The following ABCG1 variants were observed in gnomAD, a reference collection of about 807,000 sequenced individuals.
ABCG1 encodes ATP binding cassette subfamily G member 1.
ABCG1 carries 29 observed loss-of-function variants against 69.2 expected under a neutral mutation model. The observed-to-expected ratio is 0.42, with a 90% confidence interval of 0.31 to 0.57. The LOEUF is 0.57. Ranked by LOEUF, ABCG1 falls within the 20% of genes least tolerant of loss-of-function variation. The pLI is 0.15. For missense variants in ABCG1, 718 were observed against 898.1 expected (o/e 0.80, Z 2.56); for synonymous variants, 370 against 374.8 (o/e 0.99, Z 0.15).
intron 2 of ABCG1, among the ~76,000 whole-genome samples, chr21:42,242,473 A>AG (rs2068066118): frequency 6.6e-6 from 1 of 152,250 alleles, no homozygotes; most frequent in Non-Finnish European, 1.5e-5. Context: ...TGCATACTCC[A>AG]GCCTGGGTGA....
In ABCG1 at chr21:42,296,665, TG is replaced by T. The variant is rs2146365999; in HGVS notation, c.*277del. On this transcript the variant is annotated 3_prime_UTR_variant, in exon 15 of 15. Coordinates refer to ENST00000398449, the MANE Select transcript of ABCG1 (RefSeq NM_016818.3). The surrounding 1 kb of genome is among the most constrained non-coding windows in gnomAD (Gnocchi z 5.4). ...CATACAGAATTTTAAATACCACAAC[TG>T]GGGCAGAATTTAAAGCTGCAACACA... 4 of 435,472 alleles carry T rather than the reference TG, an allele frequency of 9.2e-6. No homozygotes were observed. The East Asian group carries it at 1.8e-4, about 20-fold the overall frequency. 27.0% of individuals were successfully genotyped at this position (435,472 alleles called of 1,614,324 possible).
In ABCG1 at chr21:42,288,880, C is replaced by T. The variant is rs4920081; in HGVS notation, c.1224+568C>T. 0.41 allele frequency among the ~76,000 whole-genome samples: 62,472 copies of T among 151,944 alleles called. 12,990 individuals carry two copies. Among genetic ancestry groups the T allele is most frequent in the Non-Finnish European group, 0.44 (29,905 of 67,958 alleles). On this transcript the variant is annotated intron_variant, in intron 10 of 14. Coordinates refer to ENST00000398449, the MANE Select transcript of ABCG1 (RefSeq NM_016818.3). This position sits in a 1 kb window ranked among gnomAD's most constrained non-coding sequence, Gnocchi z 4.8. The stretch of plus-strand genomic sequence containing the variant: ...CTGCAGGCTGTGTAAGAAGCATGGC[C>T]GGGGAGCCCTCAGGAAACTTTCAAT...
intron 2 of ABCG1, among the ~76,000 whole-genome samples, chr21:42,264,571 C>G (rs2068469974): frequency 6.8e-6 from 1 of 146,452 alleles, no homozygotes; most frequent in Non-Finnish European, 1.5e-5. Context: ...ACTTGAGTAT[C>G]TACACTGGGC....
Position 42,284,632 on chromosome 21 carries a change from C to T in ABCG1, c.807C>T (p.Ile269=). 3 of 1,614,004 alleles carry T rather than the reference C, an allele frequency of 1.9e-6. No homozygotes were observed. Among genetic ancestry groups the T allele is most frequent in the Non-Finnish European group, 2.5e-6 (3 of 1,180,028 alleles). The part of the protein sequence containing the change: ...MKGLAQGGRS[I]ICTIHQPSAK... ...GGCTCGCTCAAGGGGGTCGCTCCAT[C>T]ATTTGCACCATCCACCAGCCCAGCG... Residue 269 remains isoleucine (I), a synonymous_variant, in exon 7 of 15, where the codon ATC becomes ATT. Coordinates refer to ENST00000398449, the MANE Select transcript of ABCG1 (RefSeq NM_016818.3).
Position 42,290,076 on chromosome 21 carries a change from G to A in ABCG1, c.1251G>A (p.Ser417=), listed in dbSNP as rs544452185. 1.9e-5 allele frequency: 31 copies of A among 1,614,212 alleles called. No homozygotes were observed. Among genetic ancestry groups the A allele is most frequent in the Middle Eastern group, 1.6e-4 (1 of 6,062 alleles). ...DSVLTHLRIT[S]HIGIGLLIGL... ...TCCTGACACACCTGCGCATCACCTC[G>A]CACATTGGGATCGGCCTCCTCATTG... The change falls in exon 11 of 15, where the codon TCG becomes TCA. Residue 417 remains serine, a synonymous_variant. Coordinates refer to ENST00000398449, the MANE Select transcript of ABCG1 (RefSeq NM_016818.3).
At position 42,291,702 on chromosome 21, in the gene ABCG1, C is replaced by CCCTGAGCTACCTTGG. The variant is rs1173780847; in HGVS notation, c.1653+56_1653+70dup. The CCCTGAGCTACCTTGG allele has an allele frequency of 8.4e-6, 13 of 1,538,726 alleles. No homozygotes were observed. Among genetic ancestry groups the CCCTGAGCTACCTTGG allele is most frequent in the South Asian group, 8.3e-5 (7 of 84,240 alleles). ...AAGTGAGGGCATGACGGCTGGGCTT[C>CCCTGAGCTACCTTGG]CCTGAGCTACCTTGGCCTGAGCTAG... On this transcript the variant is annotated intron_variant, in intron 13 of 14. Coordinates refer to ENST00000398449, the MANE Select transcript of ABCG1 (RefSeq NM_016818.3). This position sits in a 1 kb window ranked among gnomAD's most constrained non-coding sequence, Gnocchi z 6.4.
intron 2 of ABCG1, among the ~76,000 whole-genome samples, chr21:42,247,159 T>G (rs910582013): frequency 1.9e-4 from 29 of 152,260 alleles, no homozygotes; most frequent in Non-Finnish European, 3.4e-4. Context: ...AATTCTTTTT[T>G]CTATTTTCAT....
intron 1 of ABCG1, among the ~76,000 whole-genome samples, chr21:42,200,611 T>TTTTTTA (rs1555943843): frequency 6.6e-6 from 1 of 151,076 alleles, no homozygotes; most frequent in Non-Finnish European, 1.5e-5. Context: ...TTTTTTTTTT[T>TTTTTTA]AGACGGAGTC....
upstream of ABCG1, among the ~76,000 whole-genome samples, chr21:42,215,651 C>T (rs2067631729): frequency 6.6e-6 from 1 of 152,168 alleles, no homozygotes; most frequent in Non-Finnish European, 1.5e-5. Flanking sequence ...GAACTGGCAC[C>T]CATCCCGAGA....
At chr21:42,206,062 G>T (rs1440529521) in intron 2 of ABCG1, among the ~76,000 whole-genome samples, 1 of 152,070 alleles carries the variant, frequency 6.6e-6, no homozygotes, top group East Asian at 1.9e-4. Context: ...ACTTTGACCA[G>T]AAAACACAGT....
Position 42,225,865 on chromosome 21 carries a change from C to T in ABCG1, c.237C>T (p.Phe79=). The T allele has an allele frequency of 1.2e-6, 2 of 1,613,886 alleles. No homozygotes were observed. Among genetic ancestry groups the T allele is most frequent in the Non-Finnish European group, 1.7e-6 (2 of 1,179,998 alleles). The change falls in exon 2 of 15, where the codon TTC becomes TTT. Residue 79 remains phenylalanine, a synonymous_variant. Coordinates refer to ENST00000398449, the MANE Select transcript of ABCG1 (RefSeq NM_016818.3). The stretch of plus-strand genomic sequence containing the variant: ...GGAGGGCAGCTGTGAACATTGAATT[C>T]AGGGACCTTTCCTATTCGGTTCCTG... ...LPRRAAVNIE[F]RDLSYSVPEG...
At chr21:42,274,498 A>C (rs2068675615) in intron 4 of ABCG1, among the ~76,000 whole-genome samples, 1 of 123,422 alleles carries the variant, frequency 8.1e-6, no homozygotes, top group Admixed American at 8.6e-5. Flanking sequence ...TTTTGGGGAC[A>C]GAGTCTCGCT....
At chr21:42,278,197 G>T (rs1241505935) in intron 5 of ABCG1, among the ~76,000 whole-genome samples, 1 of 152,220 alleles carries the variant, frequency 6.6e-6, no homozygotes, top group African/African-American at 2.4e-5. Context: ...CTTCATGGGG[G>T]CAGAAGACCC....
In ABCG1 at chr21:42,291,023, T is replaced by C; in HGVS notation, c.1394-69T>C. 8.5e-7 allele frequency: 1 copy of C among 1,175,006 alleles called. No homozygotes were observed. Among genetic ancestry groups the C allele is most frequent in the Non-Finnish European group, 1.3e-6 (1 of 790,310 alleles). 72.8% of individuals were successfully genotyped at this position (1,175,006 alleles called of 1,614,324 possible). On this transcript the variant is annotated intron_variant, in intron 11 of 14. Coordinates refer to ENST00000398449, the MANE Select transcript of ABCG1 (RefSeq NM_016818.3). The surrounding 1 kb of genome is among the most constrained non-coding windows in gnomAD (Gnocchi z 6.4). ...ACCAGCCGCTCAGCTCAAGATCGCC[T>C]GTTGGGATGTTAAACGGGCTCGCTG... is the stretch of plus-strand genomic sequence containing the variant.
chr21:42,245,744 A>G (rs375844609), intron 2 of ABCG1, among the ~76,000 whole-genome samples: 1 of 152,248 alleles, frequency 6.6e-6, no homozygotes, highest in East Asian at 1.9e-4. Flanking sequence ...TTCCTTATCT[A>G]TTCCTGAGAT....
chr21:42,219,876 C>T lies in ABCG1; in HGVS notation c.42+572C>T. On this transcript the variant is annotated intron_variant, in intron 1 of 14. Coordinates refer to ENST00000398449, the MANE Select transcript of ABCG1 (RefSeq NM_016818.3). This position sits in a 1 kb window ranked among gnomAD's most constrained non-coding sequence, Gnocchi z 5.3. ...CTCCCGGACCCACTCGGGGAGGCGG[C>T]GGCGAAGGCCCGGGGAGACCCGCGA... The T allele has an allele frequency of 6.5e-7, 1 of 1,537,302 alleles. No homozygotes were observed. The highest frequency in any genetic ancestry group is 2.0e-5 in the Admixed American group (1 of 50,394).
At chr21:42,274,886 T>C (rs1038816290) in intron 4 of ABCG1, among the ~76,000 whole-genome samples, 7 of 152,098 alleles carry the variant, frequency 4.6e-5, no homozygotes, top group African/African-American at 1.7e-4. Flanking sequence ...TGAAAATCAG[T>C]GTGCAGCTCC....
At chr21:42,201,942 C>G (rs1054136821) in intron 2 of ABCG1, among the ~76,000 whole-genome samples, 1 of 152,198 alleles carries the variant, frequency 6.6e-6, no homozygotes, top group African/African-American at 2.4e-5. Flanking sequence ...GTCATCCCTC[C>G]AGGTGCCCCA....
At chr21:42,250,571 C>T (rs1036865472) in intron 2 of ABCG1, among the ~76,000 whole-genome samples, 2 of 152,318 alleles carry the variant, frequency 1.3e-5, no homozygotes, top group East Asian at 3.9e-4. Context: ...AGTCAGGGGC[C>T]ACCCATGAGC....
Sources: gnomAD v4.1 joint callset for allele counts (sites outside exome capture counted in the v4.1 genomes callset) on GRCh38, gnomAD v4.1.1 for gene constraint, Gnocchi (gnomAD v3.1) non-coding constraint, MANE v1.5 for transcripts, NCBI Gene and HGNC (gene_info 2026-07-23, HGNC 2026-07-21) for gene names.